AP1G1: variants seen among roughly 807,000 people sequenced by gnomAD.
AP1G1 encodes the protein adaptor related protein complex 1 subunit gamma 1.
Under a neutral mutation model 108.3 loss-of-function variants are expected in AP1G1, and 7 were observed. The observed-to-expected ratio is 0.06, with a 90% CI of 0.04 to 0.12. The LOEUF (loss-of-function observed/expected upper bound fraction) is 0.12, where lower values mean the gene tolerates loss of function less well. Ranked by LOEUF, AP1G1 falls within the 10% of genes least tolerant of loss-of-function variation. AP1G1 has a pLI of 1.00. For missense variants in AP1G1, 756 were observed against 1,010.7 expected (o/e 0.75, Z 3.42); for synonymous variants, 379 against 353.5 (o/e 1.07, Z -0.81).
intron 2 of AP1G1, among the ~76,000 whole-genome samples, chr16:71,788,643 A>C (rs762221246): frequency 2.3e-5 from 3 of 132,810 alleles, no homozygotes; most frequent in African/African-American, 5.7e-5. Flanking sequence ...GCAATTAAGA[A>C]GACATTTAGC....
chr16:71,763,242 T>C lies in AP1G1; in HGVS notation c.918+1108A>G, dbSNP rs77395830. Among the ~76,000 whole-genome samples the C allele has an allele frequency of 2.9e-3, 442 of 152,222 alleles. 26 individuals are homozygous for C. In the East Asian group the frequency reaches 0.069, roughly 24 times the overall value. The stretch of plus-strand genomic sequence containing the variant: ...GAAGTGTTGAATGATTGTGTGAGAG[T>C]AGAGAGTAAAAAGTAGAAAAAACAT... On this transcript the variant is annotated intron_variant, in intron 9 of 22. Transcript: ENST00000299980.
chr16:71,764,245 T>C (rs1425440773), intron 9 of AP1G1, 105 bp downstream of exon 9: 3 of 625,728 alleles, frequency 4.8e-6, no homozygotes, highest in African/African-American at 1.9e-5. Context: ...CATTCTTTCT[T>C]AAAGTCGAGT....
chr16:71,785,690 G>T (rs1465424139), intron 2 of AP1G1, among the ~76,000 whole-genome samples: 1 of 151,520 alleles, frequency 6.6e-6, no homozygotes, highest in Non-Finnish European at 1.5e-5. Flanking sequence ...GACCACCCTG[G>T]CTAACACAGT....
At position 71,779,098 on chromosome 16, in the gene AP1G1, T is replaced by A. The variant is rs113547482; in HGVS notation, c.202-4506A>T. Reference sequence around the variant, plus strand: ...GGAAAACTTTTACTTCAAACTCTTCTCAGCAGAAGCATTCTAGTCAGCCAT... The same window carrying A: ...GGAAAACTTTTACTTCAAACTCTTCACAGCAGAAGCATTCTAGTCAGCCAT... On this transcript the variant is annotated intron_variant, in intron 2 of 22. Coordinates refer to ENST00000299980, the MANE Select transcript of AP1G1 (RefSeq NM_001128.6). Among the ~76,000 whole-genome samples, 308 of 152,322 alleles carry A rather than the reference T, an allele frequency of 2.0e-3. 2 individuals carry two copies. The highest frequency in any genetic ancestry group is 7.0e-3 in the African/African-American group (290 of 41,568).
chr16:71,735,021 C>A (rs1050348913), intron 21 of AP1G1, among the ~76,000 whole-genome samples: 1 of 152,190 alleles, frequency 6.6e-6, no homozygotes, highest in Non-Finnish European at 1.5e-5. Flanking sequence ...GGCAACTTCA[C>A]TTAATGGTAA....
At position 71,808,730 on chromosome 16, in the gene AP1G1, C is replaced by T. The variant is rs1597100057; in HGVS notation, c.-4+33G>A. 5 of 1,288,240 alleles carry T rather than the reference C, an allele frequency of 3.9e-6. No individual in the cohort carries two copies. The African/African-American group carries it at 6.1e-5, about 16-fold the overall frequency. The allele number at this position is 1,288,240 out of a possible 1,614,324, so 79.8% of individuals were successfully genotyped here. ...CGCGGCAGCGGCGGGGCAAAAGCAG[C>T]AATATGCTCTCAGCGCCGGGAGTGA... On this transcript the variant is annotated intron_variant, in intron 1 of 22. Transcript: ENST00000299980.
chr16:71,772,102 T>A (rs1203000157), intron 4 of AP1G1, among the ~76,000 whole-genome samples: 1 of 151,236 alleles, frequency 6.6e-6, no homozygotes, highest in Non-Finnish European at 1.5e-5. Context: ...CCATGTTATA[T>A]TTGGGAGGAA....
chr16:71,799,490 G>A (rs1483638876), intron 1 of AP1G1, among the ~76,000 whole-genome samples: 1 of 152,174 alleles, frequency 6.6e-6, no homozygotes, highest in Non-Finnish European at 1.5e-5. Flanking sequence ...ACTGTGGGCT[G>A]AGTGCAGTGG....
intron 1 of AP1G1, among the ~76,000 whole-genome samples, chr16:71,792,298 T>A (rs943401470): frequency 1.3e-5 from 2 of 152,126 alleles, no homozygotes; most frequent in Non-Finnish European, 2.9e-5. Flanking sequence ...TTAAGCTATG[T>A]CCCTTTTGGC....
At chr16:71,774,434 AAC>A (rs1567655113) in intron 3 of AP1G1, 32 bp downstream of exon 3, 2 of 1,582,796 alleles carry the variant, frequency 1.3e-6, no homozygotes, top group South Asian at 2.3e-5. Context: ...CAAAGTAGTT[AAC>A]AGTTGTTAGA....
intron 10 of AP1G1, among the ~76,000 whole-genome samples, chr16:71,761,064 G>A (rs770080544): frequency 7.9e-5 from 12 of 152,104 alleles, no homozygotes; most frequent in Non-Finnish European, 1.5e-4. Context: ...ACAAACTACA[G>A]CCCACCTGTA....
At position 71,794,041 on chromosome 16, in the gene AP1G1, C is replaced by A. The variant is rs145891865; in HGVS notation, c.-3-4559G>T. On this transcript the variant is annotated intron_variant, in intron 1 of 22. Coordinates refer to ENST00000299980, the MANE Select transcript of AP1G1 (RefSeq NM_001128.6). ...ACCATAATGTGGTTTTATAAAAAGACCTTGATTCTCCAAGAAGTGGTTAAA... is the reference window on the plus strand; with the variant it reads ...ACCATAATGTGGTTTTATAAAAAGAACTTGATTCTCCAAGAAGTGGTTAAA... Among the ~76,000 whole-genome samples, 165 of 152,244 alleles carry A rather than the reference C, an allele frequency of 1.1e-3. 2 individuals carry two copies. The highest frequency in any genetic ancestry group is 9.1e-3 in the Admixed American group (139 of 15,280).
At chr16:71,773,196 A>C in intron 4 of AP1G1, 25 bp downstream of exon 4, 1 of 1,611,054 alleles carries the variant, frequency 6.2e-7, no homozygotes, top group Non-Finnish European at 8.5e-7. Context: ...TAATCCAAAC[A>C]GACATTTGGT....
chr16:71,746,122 G>A (rs577240487), intron 17 of AP1G1, among the ~76,000 whole-genome samples: 1 of 152,060 alleles, frequency 6.6e-6, no homozygotes, highest in Non-Finnish European at 1.5e-5. Context: ...TGATTCTCCT[G>A]CTTCAGCCTC....
intron 1 of AP1G1, chr16:71,808,313 C>G (rs2033068890): frequency 1.3e-6 from 1 of 774,274 alleles, no homozygotes; most frequent in South Asian, 2.1e-5. Flanking sequence ...GGGCAGGCAG[C>G]GATTAACTGG....
chr16:71,786,928 TTCCCAGAAG>T (rs2032224487), intron 2 of AP1G1, among the ~76,000 whole-genome samples: 1 of 151,898 alleles, frequency 6.6e-6, no homozygotes, highest in Non-Finnish European at 1.5e-5. Flanking sequence ...CCGGGTGTGG[TTCCCAGAAG>T]GTCGAGGCTG....
chr16:71,745,497 G>A lies in AP1G1; in HGVS notation c.1848C>T (p.Pro616=). 1.2e-6 allele frequency: 2 copies of A among 1,614,188 alleles called. No individual in the cohort carries two copies. The highest frequency in any genetic ancestry group is 1.7e-6 in the Non-Finnish European group (2 of 1,180,026). Reference sequence around the variant, plus strand: ...CCTGGCTGGTGGGCTGTGGCCCAGAGGGTGGCGGTTTGGTCTCTAGTGGAG... The same window carrying A: ...CCTGGCTGGTGGGCTGTGGCCCAGAAGGTGGCGGTTTGGTCTCTAGTGGAG... The part of the protein sequence containing the change: ...EPAPLETKPP[P]SGPQPTSQAN... The change falls in exon 18 of 23, where the codon CCC becomes CCT. Residue 616 remains proline (P), a synonymous_variant. Transcript: ENST00000299980.
At chr16:71,751,951 A>G (rs1333192817) in intron 13 of AP1G1, among the ~76,000 whole-genome samples, 2 of 152,178 alleles carry the variant, frequency 1.3e-5, no homozygotes, top group East Asian at 3.8e-4. Context: ...ATAAGAGAAA[A>G]CTATAAGCCA....
intron 1 of AP1G1, chr16:71,807,737 G>T: frequency 9.1e-7 from 1 of 1,093,440 alleles, no homozygotes; most frequent in Non-Finnish European, 1.2e-6. Context: ...CACTAAGAAA[G>T]CACTAACTCC....
Sources: allele counts gnomAD v4.1 joint callset (sites outside exome capture counted in the v4.1 genomes callset), GRCh38; gene constraint gnomAD v4.1.1; transcripts MANE v1.5; gene names NCBI Gene and HGNC (gene_info 2026-07-23, HGNC 2026-07-21).